Variants in HDGFL3 observed in about 807,000 individuals in gnomAD.
The protein encoded by HDGFL3 is hepatoma-derived growth factor-related protein 3.
In HDGFL3, 6 loss-of-function variants were observed where a neutral mutation model predicts 27.6. That is an observed-to-expected ratio of 0.22 (90% CI 0.12 to 0.43). The LOEUF (loss-of-function observed/expected upper bound fraction) is 0.43, where lower values mean the gene tolerates loss of function less well. HDGFL3 is among the 20% of genes least tolerant of loss of function. HDGFL3 has a pLI of 1.00. For synonymous variants in HDGFL3, 88 were observed against 88.9 expected, an observed-to-expected ratio of 0.99 and a Z score of 0.05; for missense variants, 207 against 250.1, an observed-to-expected ratio of 0.83 and a Z score of 1.16.
chr15:83,133,594 T>C lies in HDGFL3; in HGVS notation c.*5676A>G, dbSNP rs576608605. 2 of 152,240 alleles carry C rather than the reference T, an allele frequency of 1.3e-5. No individual in the cohort carries two copies. Among genetic ancestry groups the C allele is most frequent in the South Asian group, 2.1e-4 (1 of 4,818 alleles). 9.4% of individuals were successfully genotyped at this position (152,240 alleles called of 1,614,324 possible). On this transcript the variant is annotated 3_prime_UTR_variant, in exon 6 of 6. Coordinates refer to ENST00000299633, the MANE Select transcript of HDGFL3 (RefSeq NM_016073.4). ...CTCACATTGCTAAATTCTGGAGAAATTTCTAGGATCAACAACTCATATCTG... is the reference window on the plus strand; with the variant it reads ...CTCACATTGCTAAATTCTGGAGAAACTTCTAGGATCAACAACTCATATCTG...
intron 2 of HDGFL3, among the ~76,000 whole-genome samples, chr15:83,158,928 C>T (rs1412842653): frequency 6.6e-6 from 1 of 152,036 alleles, no homozygotes; most frequent in Non-Finnish European, 1.5e-5. Flanking sequence ...ACTGCAACCT[C>T]CATCTCCCGG....
chr15:83,177,525 A>G (rs2037327403), intron 1 of HDGFL3, among the ~76,000 whole-genome samples: 1 of 152,238 alleles, frequency 6.6e-6, no homozygotes, highest in Non-Finnish European at 1.5e-5. Context: ...ACTTTTAAAA[A>G]ATTTCAACAG....
chr15:83,115,710 T>C (rs778639034), exon 4 of HDGFL3: 1 of 728,398 alleles, frequency 1.4e-6, no homozygotes, highest in South Asian at 1.5e-5. Context: ...GGTATTCTGT[T>C]AGTCTATCTC....
At chr15:83,122,005 T>C in intron 3 of HDGFL3, 1 of 1,604,904 alleles carries the variant, frequency 6.2e-7, no homozygotes, top group South Asian at 1.1e-5. Flanking sequence ...ACATTGTAGG[T>C]AAGAAACTTT....
At chr15:83,173,293 T>C (rs959433030) in intron 1 of HDGFL3, among the ~76,000 whole-genome samples, 1 of 152,212 alleles carries the variant, frequency 6.6e-6, no homozygotes, top group Non-Finnish European at 1.5e-5. Flanking sequence ...ATAGATTACG[T>C]GAGATACTCA....
chr15:83,136,187 C>CGGT lies in HDGFL3; in HGVS notation c.*3080_*3082dup. On this transcript the variant is annotated 3_prime_UTR_variant, in exon 6 of 6. Transcript: ENST00000299633. ...TCTATTAGATTGAGCCACTAATGTT[C>CGGT]GGTAAGGGGCACTTGATGGTTAAAA... 1 of 249,068 alleles carries CGGT rather than the reference C, an allele frequency of 4.0e-6. No individual in the cohort carries two copies. Among genetic ancestry groups the CGGT allele is most frequent in the Non-Finnish European group, 7.6e-6 (1 of 132,156 alleles). The allele number at this position is 249,068 out of a possible 1,614,324, so 15.4% of individuals were successfully genotyped here. A position where few individuals can be genotyped will look rare whatever the true frequency, so the allele number is the denominator to read the frequency against.
intron 5 of HDGFL3, among the ~76,000 whole-genome samples, chr15:83,144,136 C>T (rs1174739601): frequency 2.0e-5 from 3 of 152,166 alleles, no homozygotes; most frequent in Non-Finnish European, 4.4e-5. Flanking sequence ...AGCAATTCTC[C>T]CGCCTCAGCC....
chr15:83,202,549 G>A (rs1039152434), intron 1 of HDGFL3, among the ~76,000 whole-genome samples: 2 of 151,760 alleles, frequency 1.3e-5, no homozygotes, highest in Admixed American at 6.6e-5. Context: ...GTGAGGACTC[G>A]AAGGAAAAAA....
intron 1 of HDGFL3, among the ~76,000 whole-genome samples, chr15:83,171,652 T>C (rs1039778808): frequency 1.3e-5 from 2 of 151,988 alleles, no homozygotes; most frequent in Non-Finnish European, 2.9e-5. Flanking sequence ...AAAAACAAAA[T>C]ACCGCATGTT....
Position 83,195,953 on chromosome 15 carries a change from C to T in HDGFL3, c.84+11378G>A, listed in dbSNP as rs146582913. Among the ~76,000 whole-genome samples the T allele has an allele frequency of 1.2e-3, 182 of 151,982 alleles. 1 individual carries two copies. Among genetic ancestry groups the T allele is most frequent in the African/African-American group, 9.6e-4 (40 of 41,530 alleles). On this transcript the variant is annotated intron_variant, in intron 1 of 5. Coordinates refer to ENST00000299633, the MANE Select transcript of HDGFL3 (RefSeq NM_016073.4). ...CCAACGAAGTACTATAACTTATGTG[C>T]TAGAAAGTATGAAATAGCAGATCAC...
At chr15:83,150,746 T>TAA (rs2036953603) in intron 5 of HDGFL3, among the ~76,000 whole-genome samples, 1 of 152,192 alleles carries the variant, frequency 6.6e-6, no homozygotes, top group Non-Finnish European at 1.5e-5. Flanking sequence ...AATTTGTCCC[T>TAA]AGGGGTACTT....
intron 1 of HDGFL3, among the ~76,000 whole-genome samples, chr15:83,168,309 G>A (rs2151408245): frequency 6.7e-6 from 1 of 150,040 alleles, no homozygotes; most frequent in South Asian, 2.1e-4. Context: ...ACCAAAATCA[G>A]AGTGGAATTG....
intron 1 of HDGFL3, chr15:83,189,535 C>G (rs527975342): frequency 6.6e-6 from 1 of 152,234 alleles, no homozygotes. Context: ...TACAGAAACA[C>G]ACACATCACA....
rs144581997 is a variant in HDGFL3 at position 83,151,958 on chromosome 15, C to T, written c.460-597G>A. ...CTGTGAACCAGTCCTTTTTCCTCGT[C>T]ATCTTGCATTTGAAAACAAGATGAA... On this transcript the variant is annotated intron_variant, in intron 4 of 5. Transcript: ENST00000299633. Among the ~76,000 whole-genome samples the T allele has an allele frequency of 8.7e-3, 1,323 of 152,292 alleles. 4 individuals are homozygous for T. Among genetic ancestry groups the T allele is most frequent in the Non-Finnish European group, 0.013 (892 of 68,016 alleles).
At chr15:83,206,194 T>C (rs1373347630) in intron 1 of HDGFL3, among the ~76,000 whole-genome samples, 1 of 152,242 alleles carries the variant, frequency 6.6e-6, no homozygotes, top group Non-Finnish European at 1.5e-5. Flanking sequence ...TGGCCACTCG[T>C]GATGTCACTT....
intron 1 of HDGFL3, among the ~76,000 whole-genome samples, chr15:83,179,012 CCT>C (rs1781370946): frequency 1.3e-5 from 2 of 152,114 alleles, no homozygotes; most frequent in South Asian, 4.2e-4. Flanking sequence ...AGCCAAAAAC[CCT>C]CCTTATCAAA....
intron 1 of HDGFL3, among the ~76,000 whole-genome samples, chr15:83,173,886 T>C (rs1232281353): frequency 6.6e-6 from 1 of 152,190 alleles, no homozygotes; most frequent in Admixed American, 6.5e-5. Flanking sequence ...TCCATTCTCT[T>C]GAAGAAGTCT....
In HDGFL3 at chr15:83,133,333, C is replaced by T. The variant is rs2036384572; in HGVS notation, c.*5937G>A. The T allele has an allele frequency of 6.6e-6, 1 of 152,224 alleles. No homozygotes were observed. Among genetic ancestry groups the T allele is most frequent in the Non-Finnish European group, 1.5e-5 (1 of 68,042 alleles). The allele number at this position is 152,224 out of a possible 1,614,324, so 9.4% of individuals were successfully genotyped here. A position where few individuals can be genotyped will look rare whatever the true frequency, so the allele number is the denominator to read the frequency against. ...CTATAACATTCACATGGACATATAA[C>T]ACTCTTTCAGTTCCTCCTTGTGGAA... On this transcript the variant is annotated 3_prime_UTR_variant, in exon 6 of 6. Transcript: ENST00000299633.
At chr15:83,163,946 T>G (rs12440562) in intron 2 of HDGFL3, 53 bp downstream of exon 2, 224,584 of 1,108,536 alleles carry the variant, frequency 0.2, 24,876 homozygotes, top group Admixed American at 0.26. Context: ...TCCATAACAA[T>G]GTAGCATAGC....
Sources: gnomAD v4.1 joint callset for allele counts (sites outside exome capture counted in the v4.1 genomes callset) on GRCh38, gnomAD v4.1.1 for gene constraint, MANE v1.5 for transcripts, NCBI Gene and HGNC (gene_info 2026-07-23, HGNC 2026-07-21) for gene names.